Variants in LRRC7 observed in about 807,000 individuals in gnomAD.
LRRC7 encodes leucine-rich repeat-containing protein 7.
In LRRC7, 23 loss-of-function variants were observed where a neutral mutation model predicts 175.7. That is an observed-to-expected ratio of 0.13 (90% CI 0.09 to 0.19). The LOEUF (loss-of-function observed/expected upper bound fraction) is 0.19. Ranked by LOEUF, LRRC7 falls within the 10% of genes least tolerant of loss-of-function variation. The pLI is 1.00. For synonymous variants in LRRC7, 685 were observed against 680.9 expected (o/e 1.01, Z -0.09); for missense variants, 1,354 against 1,904.7 (o/e 0.71, Z 5.38).
intron 4 of LRRC7, among the ~76,000 whole-genome samples, chr1:69,793,625 T>C (rs773022765): frequency 4.0e-5 from 6 of 150,808 alleles, no homozygotes; most frequent in South Asian, 2.1e-4. Flanking sequence ...TAGAAGCACA[T>C]TTTACTCTTT....
chr1:69,979,558 T>C (rs965227859), intron 8 of LRRC7, among the ~76,000 whole-genome samples: 1 of 152,220 alleles, frequency 6.6e-6, no homozygotes, highest in African/African-American at 2.4e-5. Flanking sequence ...TAGTTATTTA[T>C]AAATATTTCT....
At chr1:70,011,175 A>G (rs1656469368) in intron 11 of LRRC7, among the ~76,000 whole-genome samples, 1 of 152,198 alleles carries the variant, frequency 6.6e-6, no homozygotes, top group South Asian at 2.1e-4. Context: ...GAGGCAGGAT[A>G]ATACAGTGAC....
At chr1:69,780,678 G>A (rs984635814) in intron 3 of LRRC7, among the ~76,000 whole-genome samples, 1 of 152,070 alleles carries the variant, frequency 6.6e-6, no homozygotes, top group Admixed American at 6.5e-5. Flanking sequence ...TTTAAACAAA[G>A]GAAATTTTAA....
Position 69,568,196 on chromosome 1 carries a change from G to A in LRRC7, c.-444G>A, listed in dbSNP as rs774416908. ...TGTTACGGAGTTGGGTGCAGGATTC[G>A]CCTTTCCTGCTTGTCTCTTCTCCGC... is the stretch of plus-strand genomic sequence containing the variant. On this transcript the variant is annotated 5_prime_UTR_variant, in exon 1 of 27. Coordinates refer to ENST00000651989, the MANE Select transcript of LRRC7 (RefSeq NM_001370785.2). 6.6e-6 allele frequency among the ~76,000 whole-genome samples: 1 copy of A among 151,926 alleles called. No homozygotes were observed. The highest frequency in any genetic ancestry group is 2.0e-4 in the East Asian group (1 of 5,064).
chr1:69,632,405 C>A (rs1652658288), intron 1 of LRRC7, among the ~76,000 whole-genome samples: 1 of 152,068 alleles, frequency 6.6e-6, no homozygotes, highest in Admixed American at 6.6e-5. Flanking sequence ...GCCAAGTACT[C>A]CCTTATAGCA....
At chr1:70,021,538 C>G (rs1657502701) in intron 16 of LRRC7, among the ~76,000 whole-genome samples, 2 of 152,048 alleles carry the variant, frequency 1.3e-5, no homozygotes, top group East Asian at 3.9e-4. Context: ...GAAGGGCCAA[C>G]AGATTAATAT....
chr1:69,760,501 C>A, intron 3 of LRRC7, 108 bp downstream of exon 3: 1 of 890,632 alleles, frequency 1.1e-6, no homozygotes, highest in Non-Finnish European at 1.7e-6. Context: ...AGGTAACTGA[C>A]AAGTCATTGA....
intron 7 of LRRC7, among the ~76,000 whole-genome samples, chr1:69,854,599 A>G (rs1360801919): frequency 6.6e-6 from 1 of 152,198 alleles, no homozygotes; most frequent in African/African-American, 2.4e-5. Context: ...ACTTGATCCA[A>G]GGGGAATCCA....
At position 70,128,032 on chromosome 1, in the gene LRRC7, G is replaced by T. The variant is rs1666519364; in HGVS notation, c.*6145G>T. Reference sequence around the variant, plus strand: ...GCTGGAGTGCAGTAGCGCTATCTTGGCTCACTGTAACTTCCACCTCCCGAG... The same window carrying T: ...GCTGGAGTGCAGTAGCGCTATCTTGTCTCACTGTAACTTCCACCTCCCGAG... On this transcript the variant is annotated 3_prime_UTR_variant, in exon 27 of 27. Coordinates refer to ENST00000651989, the MANE Select transcript of LRRC7 (RefSeq NM_001370785.2). 6.6e-6 allele frequency among the ~76,000 whole-genome samples: 1 copy of T among 151,932 alleles called. No homozygotes were observed. Among genetic ancestry groups the T allele is most frequent in the Admixed American group, 6.6e-5 (1 of 15,240 alleles).
At chr1:69,648,901 G>A (rs10489552) in intron 1 of LRRC7, among the ~76,000 whole-genome samples, 3 of 151,962 alleles carry the variant, frequency 2.0e-5, no homozygotes, top group South Asian at 2.1e-4. Flanking sequence ...TATATTTAAA[G>A]GTATCACTAT....
At chr1:69,771,404 G>A (rs1238550663) in intron 3 of LRRC7, among the ~76,000 whole-genome samples, 1 of 152,054 alleles carries the variant, frequency 6.6e-6, no homozygotes, top group Non-Finnish European at 1.5e-5. Flanking sequence ...GTGAGTCAAT[G>A]AGAAACTGAC....
intron 26 of LRRC7, among the ~76,000 whole-genome samples, chr1:70,121,217 C>T (rs1666189146): frequency 6.6e-6 from 1 of 151,976 alleles, no homozygotes; most frequent in African/African-American, 2.4e-5. Flanking sequence ...TGATTGAGAA[C>T]CACTCCTATA....
intron 4 of LRRC7, among the ~76,000 whole-genome samples, chr1:69,812,800 A>G (rs1182388910): frequency 6.6e-6 from 1 of 152,088 alleles, no homozygotes; most frequent in African/African-American, 2.4e-5. Flanking sequence ...ATAAGAAACA[A>G]TTTTTATGCA....
At chr1:69,571,180 C>G (rs1416332237) in intron 1 of LRRC7, among the ~76,000 whole-genome samples, 1 of 152,072 alleles carries the variant, frequency 6.6e-6, no homozygotes, top group Non-Finnish European at 1.5e-5. Flanking sequence ...GTGTACTTAC[C>G]ATGGCCAACA....
At chr1:69,914,430 T>A (rs1176450168) in intron 7 of LRRC7, among the ~76,000 whole-genome samples, 1 of 152,214 alleles carries the variant, frequency 6.6e-6, no homozygotes, top group Non-Finnish European at 1.5e-5. Flanking sequence ...TGCAATCGGA[T>A]AAATGCTGTA....
chr1:69,861,715 G>A (rs752842746), intron 7 of LRRC7, among the ~76,000 whole-genome samples: 1 of 152,202 alleles, frequency 6.6e-6, no homozygotes, highest in Non-Finnish European at 1.5e-5. Context: ...GTCCATACAG[G>A]TGTCCAACTA....
chr1:69,776,717 G>C (rs1672849999), intron 3 of LRRC7, among the ~76,000 whole-genome samples: 1 of 151,642 alleles, frequency 6.6e-6, no homozygotes, highest in South Asian at 2.1e-4. Context: ...GTGTGTGTGG[G>C]TGTGTGTGTG....
intron 1 of LRRC7, among the ~76,000 whole-genome samples, chr1:69,626,384 T>TAA (rs10546011): frequency 8.4e-4 from 109 of 130,100 alleles, no homozygotes; most frequent in South Asian, 6.0e-3. Context: ...ACTTAGAATC[T>TAA]AAAAAAAAAA....
chr1:69,754,238 AG>A lies in LRRC7; in HGVS notation c.101-5951del, dbSNP rs540727353. ...ACATAATCATATTTGTGTTTTCAATAGGTCATCTAGCTACACTGTGGAGTGA... is the reference window on the plus strand; with the variant it reads ...ACATAATCATATTTGTGTTTTCAATAGTCATCTAGCTACACTGTGGAGTGA... On this transcript the variant is annotated intron_variant, in intron 2 of 26. Transcript: ENST00000651989. 3.3e-5 allele frequency among the ~76,000 whole-genome samples: 5 copies of A among 152,104 alleles called. No homozygotes were observed. The South Asian group carries it at 6.2e-4, about 19-fold the overall frequency.
Sources: allele counts gnomAD v4.1 joint callset (sites outside exome capture counted in the v4.1 genomes callset), GRCh38; gene constraint gnomAD v4.1.1; transcripts MANE v1.5; gene names NCBI Gene and HGNC (gene_info 2026-07-23, HGNC 2026-07-21).